The following MAML2 variants were observed in gnomAD, a reference collection of about 807,000 sequenced individuals.
MAML2 encodes mastermind like transcriptional coactivator 2, also known as mastermind-like protein 2.
MAML2 carries 22 observed loss-of-function variants against 96.1 expected under a neutral mutation model. That is an observed-to-expected ratio of 0.23 (90% CI 0.16 to 0.33). The LOEUF (loss-of-function observed/expected upper bound fraction) is 0.33. MAML2 is among the 10% of genes least tolerant of loss of function. The pLI is 1.00. For synonymous variants in MAML2, 561 were observed against 521.3 expected, an observed-to-expected ratio of 1.08 and a Z score of -1.04; for missense variants, 1,367 against 1,392.4, an observed-to-expected ratio of 0.98 and a Z score of 0.29.
At chr11:96,101,599 CAAT>C (rs1251873639) in intron 1 of MAML2, among the ~76,000 whole-genome samples, 10 of 152,164 alleles carry the variant, frequency 6.6e-5, no homozygotes, top group Admixed American at 4.6e-4. Flanking sequence ...ATGATATGGA[CAAT>C]AATACCCCAT....
chr11:96,239,470 A>G (rs1046960904), intron 1 of MAML2, among the ~76,000 whole-genome samples: 6 of 152,208 alleles, frequency 3.9e-5, no homozygotes, highest in Non-Finnish European at 7.3e-5. Context: ...CGAAATCAAG[A>G]ATGTTCAGAG....
chr11:96,164,582 T>C (rs1861162148), intron 1 of MAML2, among the ~76,000 whole-genome samples: 1 of 152,188 alleles, frequency 6.6e-6, no homozygotes, highest in Non-Finnish European at 1.5e-5. Context: ...TTTAGAGTGA[T>C]ACAGATTGTG....
intron 1 of MAML2, among the ~76,000 whole-genome samples, chr11:96,095,315 C>A (rs1859807253): frequency 2.6e-5 from 4 of 152,168 alleles, no homozygotes. Context: ...TTTTTGTCAT[C>A]TGGCTCATCA....
intron 2 of MAML2, among the ~76,000 whole-genome samples, chr11:95,997,008 T>G (rs1319662853): frequency 6.6e-6 from 1 of 152,198 alleles, no homozygotes; most frequent in African/African-American, 2.4e-5. Context: ...AGAATTAGGC[T>G]ATTTCCATCT....
At chr11:96,301,184 C>A (rs1319314121) in intron 1 of MAML2, among the ~76,000 whole-genome samples, 1 of 152,186 alleles carries the variant, frequency 6.6e-6, no homozygotes, top group Non-Finnish European at 1.5e-5. Context: ...TACATATACA[C>A]ATACACCCAC....
intron 1 of MAML2, among the ~76,000 whole-genome samples, chr11:96,166,094 TTC>T (rs1459416038): frequency 1.3e-5 from 2 of 149,260 alleles, no homozygotes; most frequent in African/African-American, 4.9e-5. Flanking sequence ...CTCTCTCTGT[TTC>T]TCTCTCTGCC....
At chr11:96,254,042 G>C (rs1862626148) in intron 1 of MAML2, among the ~76,000 whole-genome samples, 1 of 152,188 alleles carries the variant, frequency 6.6e-6, no homozygotes, top group Admixed American at 6.5e-5. Context: ...TTTCTTTAAA[G>C]GTAAGAATTT....
chr11:96,072,062 T>C (rs1481111267), intron 2 of MAML2, among the ~76,000 whole-genome samples: 1 of 152,216 alleles, frequency 6.6e-6, no homozygotes, highest in Non-Finnish European at 1.5e-5. Context: ...GATGTAGAAA[T>C]GTACTTAATT....
chr11:96,180,938 G>T (rs1199537748), intron 1 of MAML2, among the ~76,000 whole-genome samples: 1 of 151,294 alleles, frequency 6.6e-6, no homozygotes, highest in Non-Finnish European at 1.5e-5. Context: ...TAGGAGTGGG[G>T]GTCACAAGGT....
At chr11:96,108,395 GAGA>G (rs1299142610) in intron 1 of MAML2, among the ~76,000 whole-genome samples, 11 of 152,304 alleles carry the variant, frequency 7.2e-5, no homozygotes, top group African/African-American at 2.6e-4. Flanking sequence ...CAGCAAGAAA[GAGA>G]AGGAGTGAAC....
chr11:96,312,219 CAAAAAAAAA>C (rs34658278), intron 1 of MAML2, among the ~76,000 whole-genome samples: 20 of 51,560 alleles, frequency 3.9e-4, no homozygotes, highest in African/African-American at 1.8e-3. Flanking sequence ...GACTCTATCT[CAAAAAAAAA>C]AAAAAAAAAA....
intron 1 of MAML2, among the ~76,000 whole-genome samples, chr11:96,233,925 G>T (rs1217249110): frequency 6.6e-6 from 1 of 152,110 alleles, no homozygotes; most frequent in Non-Finnish European, 1.5e-5. Context: ...AGAAGTGGTG[G>T]CCAGGTGGGC....
chr11:96,137,334 A>C (rs935217207), intron 1 of MAML2, among the ~76,000 whole-genome samples: 2 of 152,186 alleles, frequency 1.3e-5, no homozygotes, highest in Non-Finnish European at 1.5e-5. Context: ...CCTTTGTTTA[A>C]AATAGTGATT....
intron 2 of MAML2, among the ~76,000 whole-genome samples, chr11:95,995,761 T>C (rs1273744504): frequency 1.3e-5 from 2 of 152,132 alleles, no homozygotes. Context: ...CAGCCTCTAC[T>C]ATTCCTTACT....
At chr11:96,065,803 G>A (rs1355648242) in intron 2 of MAML2, among the ~76,000 whole-genome samples, 2 of 152,172 alleles carry the variant, frequency 1.3e-5, no homozygotes, top group Non-Finnish European at 2.9e-5. Flanking sequence ...GAGCCCATCT[G>A]ACTACAAAGC....
At chr11:96,333,230 G>T (rs1863876207) in intron 1 of MAML2, among the ~76,000 whole-genome samples, 1 of 152,024 alleles carries the variant, frequency 6.6e-6, no homozygotes, top group African/African-American at 2.4e-5. Context: ...CTGCCAGAAT[G>T]ACTCAGGAAG....
At chr11:96,011,887 A>G (rs774836422) in intron 2 of MAML2, among the ~76,000 whole-genome samples, 1 of 152,200 alleles carries the variant, frequency 6.6e-6, no homozygotes, top group Non-Finnish European at 1.5e-5. Context: ...TTAATATTTT[A>G]TTTATAGAAG....
At chr11:95,987,807 A>AGT (rs896055188) in intron 3 of MAML2, among the ~76,000 whole-genome samples, 3 of 152,220 alleles carry the variant, frequency 2.0e-5, no homozygotes, top group African/African-American at 7.2e-5. Flanking sequence ...TGATGAGCTA[A>AGT]GTGTAAATGA....
intron 1 of MAML2, among the ~76,000 whole-genome samples, chr11:96,169,267 A>G (rs1284875118): frequency 6.6e-6 from 1 of 152,242 alleles, no homozygotes; most frequent in Non-Finnish European, 1.5e-5. Context: ...GTGAAGAGAG[A>G]GTGCCAGCTC....
Sources: allele counts gnomAD v4.1 joint callset (sites outside exome capture counted in the v4.1 genomes callset), GRCh38; gene constraint gnomAD v4.1.1; transcripts MANE v1.5; gene names NCBI Gene and HGNC (gene_info 2026-07-23, HGNC 2026-07-21).